Variants in RPS6KC1 observed in about 807,000 individuals in gnomAD.
RPS6KC1 encodes the protein inactive ribosomal protein S6 kinase delta-1.
A neutral mutation model predicts 103.8 loss-of-function variants in RPS6KC1; 54 were observed. That is an observed-to-expected ratio of 0.52 (90% CI 0.42 to 0.65). The LOEUF is 0.65. RPS6KC1 is among the 30% of genes least tolerant of loss of function. The probability of loss-of-function intolerance (pLI) is 0.00; values close to 1 mark genes in which losing one functional copy is unlikely to be tolerated. For synonymous variants in RPS6KC1, 439 were observed against 438.7 expected (o/e 1.00, Z -0.01); for missense variants, 1,151 against 1,253.8 (o/e 0.92, Z 1.24).
chr1:213,302,837 T>G, the RPS6KC1 span, among the ~76,000 whole-genome samples: 1 of 152,250 alleles, frequency 6.6e-6, no homozygotes, highest in East Asian at 1.9e-4. Context: ...CAGGAGCTTA[T>G]TTTTGTATAT....
At chr1:213,460,476 TG>T in the RPS6KC1 span, among the ~76,000 whole-genome samples, 10 of 151,730 alleles carry the variant, frequency 6.6e-5, no homozygotes, top group African/African-American at 2.4e-4. Context: ...TGAGCCTATG[TG>T]TGTCTTTGCA....
rs540692384 is a variant in RPS6KC1, at chr1:213,217,667, A to G, written c.1045-12830A>G. ...AATCCAGCAGCACATCAGAAAGCTT[A>G]TCCACCATGATCAAGTGGGCTTCAT... On this transcript the variant is annotated intron_variant, in intron 8 of 14. Coordinates refer to ENST00000366960, the MANE Select transcript of RPS6KC1 (RefSeq NM_012424.6). 3.1e-3 allele frequency among the ~76,000 whole-genome samples: 471 copies of G among 152,314 alleles called. 2 individuals carry two copies. Among genetic ancestry groups the G allele is most frequent in the African/African-American group, 1.0e-2 (414 of 41,562 alleles).
the RPS6KC1 span, among the ~76,000 whole-genome samples, chr1:213,425,673 G>A: frequency 1.3e-5 from 2 of 152,208 alleles, no homozygotes; most frequent in Non-Finnish European, 2.9e-5. Context: ...ATGAGAGGAG[G>A]CGACGTGGAG....
intron 1 of RPS6KC1, among the ~76,000 whole-genome samples, chr1:213,057,114 A>T (rs2077394974): frequency 6.6e-6 from 1 of 151,296 alleles, no homozygotes; most frequent in African/African-American, 2.4e-5. Flanking sequence ...TAATTTTTGT[A>T]TTTTTTTTAA....
At chr1:213,538,141 T>A in the RPS6KC1 span, among the ~76,000 whole-genome samples, 1 of 152,150 alleles carries the variant, frequency 6.6e-6, no homozygotes, top group African/African-American at 2.4e-5. Context: ...CAGGAATAAC[T>A]TCCTTCCTTT....
chr1:213,716,044 T>A, the RPS6KC1 span, among the ~76,000 whole-genome samples: 1 of 152,206 alleles, frequency 6.6e-6, no homozygotes, highest in Non-Finnish European at 1.5e-5. Flanking sequence ...AATATAAAAA[T>A]TTATAGTCTA....
intron 1 of RPS6KC1, among the ~76,000 whole-genome samples, chr1:213,054,905 A>ACT (rs1246494634): frequency 6.6e-6 from 1 of 152,220 alleles, no homozygotes; most frequent in Non-Finnish European, 1.5e-5. Flanking sequence ...GAGAACCATC[A>ACT]GCAGTGTTTT....
At chr1:213,170,746 G>A (rs1030122041) in intron 7 of RPS6KC1, among the ~76,000 whole-genome samples, 9 of 152,062 alleles carry the variant, frequency 5.9e-5, no homozygotes. Context: ...GGCCCTTTTT[G>A]GCCAAGAGCA....
the RPS6KC1 span, among the ~76,000 whole-genome samples, chr1:213,442,617 T>C: frequency 6.6e-6 from 1 of 152,222 alleles, no homozygotes; most frequent in Non-Finnish European, 1.5e-5. Flanking sequence ...ACTACTACAA[T>C]GTACATATGT....
At chr1:213,363,624 TG>T in the RPS6KC1 span, among the ~76,000 whole-genome samples, 1 of 83,122 alleles carries the variant, frequency 1.2e-5, no homozygotes, top group Non-Finnish European at 2.6e-5. Context: ...CTTGCTTGCT[TG>T]CTTTCTTTCT....
the RPS6KC1 span, among the ~76,000 whole-genome samples, chr1:213,492,901 T>C: frequency 6.6e-6 from 1 of 152,228 alleles, no homozygotes; most frequent in South Asian, 2.1e-4. Flanking sequence ...TGGCAGTTGG[T>C]TAGAGGGCTG....
At chr1:213,301,537 A>C in the RPS6KC1 span, among the ~76,000 whole-genome samples, 1 of 152,076 alleles carries the variant, frequency 6.6e-6, no homozygotes, top group African/African-American at 2.4e-5. Flanking sequence ...GATTTGTTAA[A>C]AATGCAAATT....
the RPS6KC1 span, among the ~76,000 whole-genome samples, chr1:213,341,648 G>C: frequency 1.3e-5 from 2 of 152,182 alleles, no homozygotes; most frequent in Non-Finnish European, 2.9e-5. Context: ...ACTGGTTTAA[G>C]GACCTTACTT....
intron 4 of RPS6KC1, among the ~76,000 whole-genome samples, chr1:213,116,856 T>G (rs888265044): frequency 6.6e-6 from 1 of 152,176 alleles, no homozygotes; most frequent in African/African-American, 2.4e-5. Context: ...AAAATTCTTT[T>G]CTTTAAGAAT....
At chr1:213,412,335 G>T in the RPS6KC1 span, among the ~76,000 whole-genome samples, 1 of 152,234 alleles carries the variant, frequency 6.6e-6, no homozygotes, top group South Asian at 2.1e-4. Context: ...TAGAAAAGGA[G>T]AGAGGGAGAA....
the RPS6KC1 span, among the ~76,000 whole-genome samples, chr1:213,289,244 T>C: frequency 4.0e-5 from 4 of 99,322 alleles, no homozygotes; most frequent in African/African-American, 1.3e-4. Flanking sequence ...ATCTGGGGAG[T>C]TGGATGCTCA....
At position 213,250,245 on chromosome 1, in the gene RPS6KC1, G is replaced by A. The variant is rs574058621; in HGVS notation, c.2911+7587G>A. Among the ~76,000 whole-genome samples the A allele has an allele frequency of 6.6e-5, 10 of 152,344 alleles. No individual in the cohort carries two copies. The East Asian group carries it at 1.3e-3, about 21-fold the overall frequency. ...CTGTCACCTTGCAGCACTGGGAGAAGAGTGGGGGCCCCAGCTGCTGCAGAC... is the reference window on the plus strand; with the variant it reads ...CTGTCACCTTGCAGCACTGGGAGAAAAGTGGGGGCCCCAGCTGCTGCAGAC... On this transcript the variant is annotated intron_variant, in intron 12 of 14. Coordinates refer to ENST00000366960, the MANE Select transcript of RPS6KC1 (RefSeq NM_012424.6).
chr1:213,392,790 G>A, the RPS6KC1 span, among the ~76,000 whole-genome samples: 7 of 152,294 alleles, frequency 4.6e-5, no homozygotes, highest in South Asian at 4.1e-4. Context: ...CAATACCAAC[G>A]CATGCATCTT....
chr1:213,842,131 T>C, the RPS6KC1 span: 1 of 152,324 alleles, frequency 6.6e-6, no homozygotes. Context: ...TCAGGTTGGA[T>C]GTGATCGCTC....
Sources: gnomAD v4.1 joint callset for allele counts (sites outside exome capture counted in the v4.1 genomes callset) on GRCh38, gnomAD v4.1.1 for gene constraint, MANE v1.5 for transcripts, NCBI Gene and HGNC (gene_info 2026-07-23, HGNC 2026-07-21) for gene names.